Variants in TMEM132D observed in about 807,000 individuals in gnomAD.
TMEM132D encodes mature OL transmembrane protein.
In TMEM132D, 21 loss-of-function variants were observed where a neutral mutation model predicts 62.3. The ratio of observed to expected loss-of-function variants is 0.34; its 90% CI spans 0.24 to 0.49. The LOEUF (loss-of-function observed/expected upper bound fraction) is 0.49, where lower values mean the gene tolerates loss of function less well. TMEM132D is among the 20% of genes least tolerant of loss of function. TMEM132D has a pLI of 0.99. For synonymous variants in TMEM132D, 621 were observed against 575.6 expected (o/e 1.08, Z -1.13); for missense variants, 1,346 against 1,402.8 (o/e 0.96, Z 0.65).
chr12:129,727,407 T>A (rs1869076069), intron 1 of TMEM132D, among the ~76,000 whole-genome samples: 1 of 152,186 alleles, frequency 6.6e-6, no homozygotes, highest in Non-Finnish European at 1.5e-5. Flanking sequence ...CTAACCCACT[T>A]TCACGACAAT....
At position 129,237,714 on chromosome 12, in the gene TMEM132D, C is replaced by T. The variant is rs186558932; in HGVS notation, c.1300-28051G>A. Among the ~76,000 whole-genome samples, 659 of 152,266 alleles carry T rather than the reference C, an allele frequency of 4.3e-3. 4 individuals carry two copies. Among genetic ancestry groups the T allele is most frequent in the African/African-American group, 0.015 (628 of 41,550 alleles). On this transcript the variant is annotated intron_variant, in intron 4 of 8. Transcript: ENST00000422113. The stretch of plus-strand genomic sequence containing the variant: ...TGCATCCTGGCTGGGTGCAGTGGCT[C>T]ATGCCTGTAATCCCAGCACTTTGGG...
chr12:129,703,702 G>A (rs1025074584), intron 1 of TMEM132D, among the ~76,000 whole-genome samples: 2 of 152,062 alleles, frequency 1.3e-5, no homozygotes, highest in Middle Eastern at 3.2e-3. Context: ...ATTGGGTTCC[G>A]TGGCTGTAAT....
At chr12:129,678,518 T>A (rs1880695751) in intron 2 of TMEM132D, among the ~76,000 whole-genome samples, 1 of 152,140 alleles carries the variant, frequency 6.6e-6, no homozygotes, top group African/African-American at 2.4e-5. Flanking sequence ...ATAGGTTATT[T>A]ATTTGAACAA....
intron 5 of TMEM132D, among the ~76,000 whole-genome samples, chr12:129,183,609 T>G (rs1327296283): frequency 6.6e-6 from 1 of 152,250 alleles, no homozygotes; most frequent in Non-Finnish European, 1.5e-5. Context: ...TAACATGCAT[T>G]TGTTGCGGCT....
At chr12:129,790,039 T>C (rs1323484311) in intron 1 of TMEM132D, among the ~76,000 whole-genome samples, 1 of 152,216 alleles carries the variant, frequency 6.6e-6, no homozygotes, top group Non-Finnish European at 1.5e-5. Flanking sequence ...ACTAGCGGGC[T>C]GCTTCGACGC....
intron 4 of TMEM132D, among the ~76,000 whole-genome samples, chr12:129,274,264 G>C (rs1880941995): frequency 6.7e-6 from 1 of 149,366 alleles, no homozygotes; most frequent in Admixed American, 6.6e-5. Context: ...AACAATGTGT[G>C]CTCTGATGTA....
At chr12:129,181,043 G>T (rs1162233159) in intron 5 of TMEM132D, among the ~76,000 whole-genome samples, 1 of 152,126 alleles carries the variant, frequency 6.6e-6, no homozygotes, top group East Asian at 1.9e-4. Flanking sequence ...CATTATCGGG[G>T]ATATGAAGGT....
chr12:129,256,106 G>A (rs1446255297), intron 4 of TMEM132D, among the ~76,000 whole-genome samples: 1 of 152,170 alleles, frequency 6.6e-6, no homozygotes, highest in African/African-American at 2.4e-5. Context: ...TTGAGACAGA[G>A]TCTCACTCTG....
intron 2 of TMEM132D, among the ~76,000 whole-genome samples, chr12:129,652,396 A>T: frequency 6.6e-6 from 1 of 152,208 alleles, no homozygotes; most frequent in East Asian, 1.9e-4. Context: ...GAACCTGCGA[A>T]TGTATTATGT....
At chr12:129,843,716 T>G (rs1338819675) in intron 1 of TMEM132D, among the ~76,000 whole-genome samples, 34 of 152,068 alleles carry the variant, frequency 2.2e-4, no homozygotes, top group Admixed American at 2.2e-3. Flanking sequence ...CTCAAAAAAC[T>G]ACTACTGACA....
intron 2 of TMEM132D, among the ~76,000 whole-genome samples, chr12:129,597,614 TATC>T (rs1653563577): frequency 6.6e-6 from 1 of 152,156 alleles, no homozygotes; most frequent in South Asian, 2.1e-4. Flanking sequence ...AGGACTAAAA[TATC>T]ATTCCCCTAA....
At position 129,715,845 on chromosome 12, in the gene TMEM132D, A is replaced by G. The variant is rs1046128186; in HGVS notation, c.80-15147T>C. 2.6e-5 allele frequency among the ~76,000 whole-genome samples: 4 copies of G among 152,218 alleles called. No homozygotes were observed. The East Asian group carries it at 5.8e-4, about 22-fold the overall frequency. Reference sequence around the variant, plus strand: ...ATCTTCAAGTGTCCAAGCCTAGGCTATGACGCTAGGAGTCTCACTGAGCTC... The same window carrying G: ...ATCTTCAAGTGTCCAAGCCTAGGCTGTGACGCTAGGAGTCTCACTGAGCTC... On this transcript the variant is annotated intron_variant, in intron 1 of 8. Coordinates refer to ENST00000422113, the MANE Select transcript of TMEM132D (RefSeq NM_133448.3).
At chr12:129,314,865 T>C (rs1343122416) in intron 4 of TMEM132D, among the ~76,000 whole-genome samples, 3 of 151,730 alleles carry the variant, frequency 2.0e-5, no homozygotes, top group East Asian at 1.9e-4. Context: ...CCTAAGTTAT[T>C]TATTTATTTA....
intron 2 of TMEM132D, among the ~76,000 whole-genome samples, chr12:129,540,493 T>TC (rs950472075): frequency 3.5e-4 from 53 of 152,194 alleles, no homozygotes; most frequent in African/African-American, 1.1e-3. Flanking sequence ...AAACTTTTTT[T>TC]TTTTTTAATT....
intron 3 of TMEM132D, among the ~76,000 whole-genome samples, chr12:129,349,354 T>C (rs1360234746): frequency 1.3e-5 from 2 of 152,178 alleles, no homozygotes; most frequent in African/African-American, 4.8e-5. Flanking sequence ...ATTTAAAAGA[T>C]GAGGCTCTAG....
chr12:129,107,711 C>G (rs1875545544), intron 5 of TMEM132D, among the ~76,000 whole-genome samples: 1 of 152,144 alleles, frequency 6.6e-6, no homozygotes, highest in Admixed American at 6.5e-5. Context: ...TTTTTTGAGA[C>G]AGTCTCACTC....
Position 129,466,304 on chromosome 12 carries a change from T to G in TMEM132D, c.1115+64755A>C, listed in dbSNP as rs1476487337. Among the ~76,000 whole-genome samples the G allele has an allele frequency of 1.2e-4, 14 of 119,824 alleles. 1 individual carries two copies. Among genetic ancestry groups the G allele is most frequent in the African/African-American group, 4.4e-4 (13 of 29,250 alleles). 78.6% of individuals were successfully genotyped at this position (119,824 alleles called of 152,430 possible). ...CTTTTTTTTTTTTTTTTTTTTTTTT[T>G]TTTTTTTTTTTTTTTTTTTTAGAGA... is the stretch of plus-strand genomic sequence containing the variant. On this transcript the variant is annotated intron_variant, in intron 3 of 8. Coordinates refer to ENST00000422113, the MANE Select transcript of TMEM132D (RefSeq NM_133448.3).
rs148294213 is a variant in TMEM132D, at chr12:129,601,198, T to C, written c.969-69993A>G. Among the ~76,000 whole-genome samples, 199 of 152,346 alleles carry C rather than the reference T, an allele frequency of 1.3e-3. 1 individual carries two copies. The highest frequency in any genetic ancestry group is 4.4e-3 in the African/African-American group (182 of 41,586). ...CATAGAGATGGCATCTTTTCTTAAA[T>C]CTCATGAAACAACCTCTGCTAGTTT... On this transcript the variant is annotated intron_variant, in intron 2 of 8. Coordinates refer to ENST00000422113, the MANE Select transcript of TMEM132D (RefSeq NM_133448.3).
At position 129,355,900 on chromosome 12, in the gene TMEM132D, C is replaced by T. The variant is rs559997841; in HGVS notation, c.1116-18083G>A. ...AGAGTCCGATGCTGGAGGTGACAGC[C>T]CTGCTCCTGTGCCTCTAGCTGGGGT... On this transcript the variant is annotated intron_variant, in intron 3 of 8. Transcript: ENST00000422113. Among the ~76,000 whole-genome samples, 236 of 152,290 alleles carry T rather than the reference C, an allele frequency of 1.5e-3. 1 individual carries two copies. Among genetic ancestry groups the T allele is most frequent in the Non-Finnish European group, 3.0e-3 (202 of 68,034 alleles).
Sources: allele counts gnomAD v4.1 joint callset (sites outside exome capture counted in the v4.1 genomes callset), GRCh38; gene constraint gnomAD v4.1.1; transcripts MANE v1.5; gene names NCBI Gene and HGNC (gene_info 2026-07-23, HGNC 2026-07-21).